MBOAT1: variants seen among roughly 807,000 people sequenced by gnomAD.
MBOAT1 encodes membrane bound glycerophospholipid O-acyltransferase 1, also known as membrane-bound glycerophospholipid O-acyltransferase 1.
MBOAT1 carries 67 observed loss-of-function variants against 64.4 expected under a neutral mutation model. The observed-to-expected ratio is 1.04, with a 90% CI of 0.85 to 1.27. The LOEUF (loss-of-function observed/expected upper bound fraction) is 1.27, where lower values mean the gene tolerates loss of function less well. MBOAT1 is among the 50% of genes most tolerant of loss of function. The pLI is 0.00. For missense variants in MBOAT1, 563 were observed against 604.6 expected, an observed-to-expected ratio of 0.93 and a Z score of 0.72; for synonymous variants, 229 against 218.9, an observed-to-expected ratio of 1.05 and a Z score of -0.41.
chr6:20,149,090 G>A, intron 3 of MBOAT1, among the ~76,000 whole-genome samples: 1 of 135,938 alleles, frequency 7.4e-6, no homozygotes, highest in Admixed American at 7.8e-5. Context: ...AACAGAGTGA[G>A]ACTCTGTCTC....
At chr6:20,196,883 A>G (rs1762971445) in intron 1 of MBOAT1, among the ~76,000 whole-genome samples, 1 of 147,866 alleles carries the variant, frequency 6.8e-6, no homozygotes, top group Non-Finnish European at 1.5e-5. Flanking sequence ...ACAAACAAAC[A>G]AAAAAAAAAC....
chr6:20,188,361 C>T (rs1398655598), intron 1 of MBOAT1, among the ~76,000 whole-genome samples: 2 of 152,176 alleles, frequency 1.3e-5, no homozygotes, highest in Non-Finnish European at 2.9e-5. Flanking sequence ...GAAAATCCTG[C>T]TTCCTCCTGA....
intron 12 of MBOAT1, among the ~76,000 whole-genome samples, chr6:20,107,540 T>A (rs140887713): frequency 3.3e-4 from 50 of 152,316 alleles, no homozygotes; most frequent in African/African-American, 1.0e-3. Context: ...CAGAGTATGA[T>A]CTCAGCATGT....
chr6:20,130,595 T>C (rs7772589), intron 5 of MBOAT1, among the ~76,000 whole-genome samples: 67,694 of 151,832 alleles, frequency 0.45, 17,833 homozygotes, highest in African/African-American at 0.73. Context: ...CCTCGTGATC[T>C]GCCCACCTCG....
chr6:20,133,469 G>T (rs1197179464), intron 4 of MBOAT1, among the ~76,000 whole-genome samples: 1 of 152,176 alleles, frequency 6.6e-6, no homozygotes, highest in Non-Finnish European at 1.5e-5. Context: ...TCTGGAAAGA[G>T]ATTCACTCGA....
At chr6:20,188,565 G>A (rs1190857081) in intron 1 of MBOAT1, among the ~76,000 whole-genome samples, 2 of 152,178 alleles carry the variant, frequency 1.3e-5, no homozygotes, top group Non-Finnish European at 2.9e-5. Context: ...CGCAGAGAGA[G>A]GGCCCAGAAG....
intron 12 of MBOAT1, among the ~76,000 whole-genome samples, chr6:20,108,948 A>G (rs1760038634): frequency 6.6e-6 from 1 of 152,236 alleles, no homozygotes; most frequent in South Asian, 2.1e-4. Context: ...CCACTTCACA[A>G]CAGTGGAGAA....
In MBOAT1 at chr6:20,211,030, T is replaced by A. The variant is rs184339959; in HGVS notation, c.99+1106A>T. 6.6e-5 allele frequency among the ~76,000 whole-genome samples: 10 copies of A among 152,308 alleles called. No individual in the cohort carries two copies. In the East Asian group the frequency reaches 1.9e-3, roughly 29 times the overall value. On this transcript the variant is annotated intron_variant, in intron 1 of 12. Transcript: ENST00000324607. ...TTGGCACCGAAACCCTTCCCAAGTT[T>A]CTGACTTTCTGTATTCTGCAACTGA...
At chr6:20,126,936 C>T (rs1035336063) in intron 6 of MBOAT1, among the ~76,000 whole-genome samples, 2 of 152,172 alleles carry the variant, frequency 1.3e-5, no homozygotes, top group African/African-American at 4.8e-5. Context: ...CCAGACACAG[C>T]CGTAGGCACT....
chr6:20,126,440 G>A (rs1021125472), intron 7 of MBOAT1, 77 bp downstream of exon 7: 1 of 1,226,440 alleles, frequency 8.2e-7, no homozygotes, highest in East Asian at 2.6e-5. Context: ...AAACTGTTTG[G>A]CTTCTTAATT....
intron 5 of MBOAT1, 57 bp downstream of exon 5, chr6:20,131,086 GA>G (rs1263795132): frequency 1.4e-6 from 2 of 1,435,248 alleles, no homozygotes; most frequent in Non-Finnish European, 9.8e-7. Context: ...AGTATAAAAA[GA>G]AGAGCTCTGC....
In MBOAT1 at chr6:20,106,321, T is replaced by C. The variant is rs572855618; in HGVS notation, c.1361+3277A>G. ...AAATTCAATAAAATCGAAAATTCAG[T>C]TCCTCTGTCCCACTAGGTGCATTTC... On this transcript the variant is annotated intron_variant, in intron 12 of 12. Coordinates refer to ENST00000324607, the MANE Select transcript of MBOAT1 (RefSeq NM_001080480.3). 1.6e-4 allele frequency among the ~76,000 whole-genome samples: 25 copies of C among 152,350 alleles called. No homozygotes were observed. The South Asian group carries it at 5.2e-3, about 32-fold the overall frequency.
chr6:20,111,596 A>G (rs1008174996), intron 11 of MBOAT1, among the ~76,000 whole-genome samples: 4 of 152,018 alleles, frequency 2.6e-5, no homozygotes, highest in African/African-American at 4.8e-5. Flanking sequence ...CTGAGGGAAT[A>G]ATACTCTGGA....
chr6:20,115,790 G>A (rs1479382825), intron 9 of MBOAT1, among the ~76,000 whole-genome samples: 1 of 152,050 alleles, frequency 6.6e-6, no homozygotes, highest in Non-Finnish European at 1.5e-5. Flanking sequence ...TCTAAAACTA[G>A]GTCAGTCTTG....
At chr6:20,136,740 C>G (rs924960851) in intron 4 of MBOAT1, among the ~76,000 whole-genome samples, 8 of 152,198 alleles carry the variant, frequency 5.3e-5, no homozygotes, top group African/African-American at 1.9e-4. Flanking sequence ...GCACCATAAC[C>G]TTTTAACACG....
In MBOAT1 at chr6:20,101,837, C is replaced by T. The variant is rs932695136; in HGVS notation, c.*449G>A. On this transcript the variant is annotated 3_prime_UTR_variant, in exon 13 of 13. Coordinates refer to ENST00000324607, the MANE Select transcript of MBOAT1 (RefSeq NM_001080480.3). Reference sequence around the variant, plus strand: ...AAGGCTTTATAAAAATACTCCCGGCCGGGCGCGGTGGCTCACGCCTGTAAT... The same window carrying T: ...AAGGCTTTATAAAAATACTCCCGGCTGGGCGCGGTGGCTCACGCCTGTAAT... 2.6e-5 allele frequency among the ~76,000 whole-genome samples: 4 copies of T among 152,090 alleles called. No homozygotes were observed. The highest frequency in any genetic ancestry group is 9.7e-5 in the African/African-American group (4 of 41,426).
At chr6:20,120,445 G>A (rs190838203) in intron 8 of MBOAT1, among the ~76,000 whole-genome samples, 467 of 152,146 alleles carry the variant, frequency 3.1e-3, no homozygotes, top group Admixed American at 6.8e-3. Flanking sequence ...GAAACGTGCG[G>A]ATCACCTGAG....
At chr6:20,126,937 C>A (rs950641006) in intron 6 of MBOAT1, among the ~76,000 whole-genome samples, 3 of 152,118 alleles carry the variant, frequency 2.0e-5, no homozygotes, top group African/African-American at 7.2e-5. Flanking sequence ...CAGACACAGC[C>A]GTAGGCACTC....
At chr6:20,152,917 C>G in intron 1 of MBOAT1, 148 bp from the exon 2 acceptor site, 1 of 777,112 alleles carries the variant, frequency 1.3e-6, no homozygotes, top group Non-Finnish European at 1.9e-6. Flanking sequence ...ACTGCAAGCT[C>G]CGCCTCCCAG....
Sources: gnomAD v4.1 joint callset for allele counts (sites outside exome capture counted in the v4.1 genomes callset) on GRCh38, gnomAD v4.1.1 for gene constraint, MANE v1.5 for transcripts, NCBI Gene and HGNC (gene_info 2026-07-23, HGNC 2026-07-21) for gene names.